CDH12: variants seen among roughly 807,000 people sequenced by gnomAD.
CDH12 encodes cadherin-12.
Under a neutral mutation model 74.1 loss-of-function variants are expected in CDH12, and 41 were observed. That is an observed-to-expected ratio of 0.55 (90% CI 0.43 to 0.72). CDH12 has a LOEUF of 0.72. CDH12 is among the 30% of genes least tolerant of loss of function. The pLI, the probability that CDH12 is intolerant of heterozygous loss-of-function variation, is 0.00. For missense variants in CDH12, 945 were observed against 977.2 expected (o/e 0.97, Z 0.44); for synonymous variants, 399 against 355.0 (o/e 1.12, Z -1.39).
At chr5:22,781,326 T>A (rs1747372972) in intron 1 of CDH12, among the ~76,000 whole-genome samples, 1 of 152,186 alleles carries the variant, frequency 6.6e-6, no homozygotes. Flanking sequence ...TTGATACACA[T>A]TTTCAGTTTC....
chr5:22,156,451 T>C (rs1204091313), intron 4 of CDH12, among the ~76,000 whole-genome samples: 1 of 152,150 alleles, frequency 6.6e-6, no homozygotes, highest in Non-Finnish European at 1.5e-5. Flanking sequence ...AATGCTAAGA[T>C]ACATGTTAAG....
At chr5:22,787,095 C>T (rs1747674428) in intron 1 of CDH12, among the ~76,000 whole-genome samples, 1 of 151,836 alleles carries the variant, frequency 6.6e-6, no homozygotes, top group Non-Finnish European at 1.5e-5. Context: ...CAGCAATTCA[C>T]TGAACTCGTG....
chr5:22,357,126 G>A (rs1740596667), intron 3 of CDH12, among the ~76,000 whole-genome samples: 1 of 152,040 alleles, frequency 6.6e-6, no homozygotes, highest in Non-Finnish European at 1.5e-5. Context: ...CTAAAAAGGA[G>A]AGAAATTGAT....
chr5:22,777,992 G>A (rs1165738240), intron 1 of CDH12, among the ~76,000 whole-genome samples: 1 of 151,928 alleles, frequency 6.6e-6, no homozygotes, highest in African/African-American at 2.4e-5. Flanking sequence ...TTTTTGTAGG[G>A]ATGCGGTTTC....
chr5:22,021,442 C>T (rs572069592), intron 5 of CDH12, among the ~76,000 whole-genome samples: 24 of 152,086 alleles, frequency 1.6e-4, no homozygotes, highest in East Asian at 5.8e-4. Context: ...GGGAAAGTAC[C>T]GAGGCATCAA....
intron 1 of CDH12, among the ~76,000 whole-genome samples, chr5:22,531,054 A>G (rs1249236104): frequency 1.3e-5 from 2 of 152,044 alleles, no homozygotes; most frequent in Non-Finnish European, 2.9e-5. Flanking sequence ...TTTGCTATGC[A>G]TGATTTTTTG....
rs1454983876 is a variant in CDH12 at position 21,986,534 on chromosome 5, T to C, written c.232-11149A>G. Among the ~76,000 whole-genome samples the C allele has an allele frequency of 2.6e-5, 4 of 152,196 alleles. No homozygotes were observed. The East Asian group carries it at 7.7e-4, about 29-fold the overall frequency. On this transcript the variant is annotated intron_variant, in intron 5 of 14. Transcript: ENST00000382254. ...TATGAGAGAAGGTTAAAATAACTTC[T>C]TTCCTACTTTTCCAACATTGTAAAA...
intron 12 of CDH12, among the ~76,000 whole-genome samples, chr5:21,762,355 T>C (rs1744772288): frequency 6.6e-6 from 1 of 152,114 alleles, no homozygotes; most frequent in Non-Finnish European, 1.5e-5. Context: ...CCTCCTTTTC[T>C]TATTTTTTTC....
intron 10 of CDH12, among the ~76,000 whole-genome samples, chr5:21,799,919 T>C (rs924449467): frequency 4.6e-5 from 7 of 152,124 alleles, no homozygotes; most frequent in African/African-American, 1.4e-4. Context: ...GGAGGTTATA[T>C]TGCCACCCTA....
chr5:22,812,809 T>G (rs1405516428), intron 1 of CDH12, among the ~76,000 whole-genome samples: 1 of 151,928 alleles, frequency 6.6e-6, no homozygotes, highest in East Asian at 1.9e-4. Context: ...TCAAAGAGAG[T>G]GTAGTAGAAG....
chr5:22,247,678 AAAAG>A (rs374102092), intron 3 of CDH12, among the ~76,000 whole-genome samples: 6 of 151,480 alleles, frequency 4.0e-5, no homozygotes, highest in South Asian at 2.1e-4. Flanking sequence ...CCGTCAAAAA[AAAAG>A]AAAAGAAAAG....
chr5:22,140,234 A>T (rs1746708546), intron 4 of CDH12, among the ~76,000 whole-genome samples: 1 of 152,022 alleles, frequency 6.6e-6, no homozygotes, highest in African/African-American at 2.4e-5. Flanking sequence ...CCTAAGTGTG[A>T]TGATTTCTCA....
chr5:22,111,035 C>T (rs1236682034), intron 4 of CDH12, among the ~76,000 whole-genome samples: 1 of 152,186 alleles, frequency 6.6e-6, no homozygotes, highest in East Asian at 1.9e-4. Flanking sequence ...TTCTTAACTC[C>T]TTGAGTGCGC....
chr5:22,731,362 G>A (rs1017797044), intron 1 of CDH12, among the ~76,000 whole-genome samples: 3 of 151,784 alleles, frequency 2.0e-5, no homozygotes, highest in African/African-American at 7.2e-5. Context: ...TATAAAATTA[G>A]TAAGTGTACT....
chr5:21,931,509 A>G (rs981118370), intron 6 of CDH12, among the ~76,000 whole-genome samples: 2 of 152,224 alleles, frequency 1.3e-5, no homozygotes, highest in Non-Finnish European at 1.5e-5. Context: ...GTGCTTGAAC[A>G]AAGTTACTCC....
chr5:21,884,360 C>T, intron 6 of CDH12: 1 of 1,000,170 alleles, frequency 1.0e-6, no homozygotes, highest in Non-Finnish European at 1.6e-6. Context: ...GACAGGAAGC[C>T]CAAGGCAGTG....
chr5:21,784,612 G>A (rs1213039650), intron 10 of CDH12, among the ~76,000 whole-genome samples: 2 of 152,070 alleles, frequency 1.3e-5, no homozygotes, highest in Non-Finnish European at 2.9e-5. Flanking sequence ...CAAATTATTT[G>A]TCATCATTTT....
chr5:22,811,406 C>A (rs540884483), intron 1 of CDH12, among the ~76,000 whole-genome samples: 67 of 152,120 alleles, frequency 4.4e-4, no homozygotes, highest in African/African-American at 1.6e-3. Context: ...GCAGATTAGA[C>A]GATATTCAGT....
chr5:22,341,437 G>A (rs1176253907), intron 3 of CDH12, among the ~76,000 whole-genome samples: 1 of 152,174 alleles, frequency 6.6e-6, no homozygotes, highest in Non-Finnish European at 1.5e-5. Flanking sequence ...TATAAGGAAT[G>A]CCATTTGGAC....
Sources: allele counts gnomAD v4.1 joint callset (sites outside exome capture counted in the v4.1 genomes callset), GRCh38; gene constraint gnomAD v4.1.1; transcripts MANE v1.5; gene names NCBI Gene and HGNC (gene_info 2026-07-23, HGNC 2026-07-21).